TAS2R41: variants seen among roughly 807,000 people sequenced by gnomAD.
TAS2R41 encodes the protein taste receptor type 2 member 41.
A neutral mutation model predicts 25.1 loss-of-function variants in TAS2R41; 33 were observed. The ratio of observed to expected loss-of-function variants is 1.31; its 90% CI spans 1.00 to 1.76. TAS2R41 has a LOEUF of 1.76. TAS2R41 is among the 40% of genes most tolerant of loss of function. The pLI, the probability that TAS2R41 is intolerant of heterozygous loss-of-function variation, is 0.00. For missense variants in TAS2R41, 319 were observed against 359.4 expected (o/e 0.89, Z 0.91); for synonymous variants, 151 against 151.6 (o/e 1.00, Z 0.03).
chr7:143,478,187 CCTGTT>C lies in TAS2R41; in HGVS notation c.320_324del (p.Phe107CysfsTer5). 6.2e-7 allele frequency: 1 copy of C among 1,614,084 alleles called. No homozygotes were observed. Among genetic ancestry groups the C allele is most frequent in the Non-Finnish European group, 8.5e-7 (1 of 1,180,020 alleles). ...TCTGGTTTTGCAGCTGGCTCAGTGT[CCTGTT>C]CTGTGTGAAGATTGCTAACATCACA... On this transcript the variant is annotated frameshift_variant, in exon 1 of 1. Transcript: ENST00000408916. LOFTEE classifies it high-confidence loss of function.
In TAS2R41 at chr7:143,478,020, A is replaced by G. The variant is rs762750511; in HGVS notation, c.148A>G (p.Ser50Gly). 6.2e-7 allele frequency: 1 copy of G among 1,614,092 alleles called. No individual in the cohort carries two copies. ...RLLPLDMILI[S>G]LGASRFCLQL... is the part of the protein sequence containing the mutation. Reference sequence around the variant, plus strand: ...GCTGCCCTTGGATATGATCCTCATTAGCTTGGGTGCCTCCCGCTTCTGCCT... The same window carrying G: ...GCTGCCCTTGGATATGATCCTCATTGGCTTGGGTGCCTCCCGCTTCTGCCT... Residue 50 changes from serine to glycine, a missense_variant, in exon 1 of 1, where the codon AGC becomes GGC. Ser to Gly is a moderately conservative substitution (Grantham distance 56). Transcript: ENST00000408916.
Position 143,478,052 on chromosome 7 carries a change from G to C in TAS2R41, c.180G>C (p.Leu60Phe). The change falls in exon 1 of 1, where the codon TTG becomes TTC. Residue 60 changes from leucine to phenylalanine, a missense_variant. Physicochemically the swap from Leu to Phe is conservative, Grantham distance 22. Transcript: ENST00000408916. ...GTGCCTCCCGCTTCTGCCTGCAGTTGGTTGGGACGGTGCACAACTTCTACT... is the reference window on the plus strand; with the variant it reads ...GTGCCTCCCGCTTCTGCCTGCAGTTCGTTGGGACGGTGCACAACTTCTACT... ...SLGASRFCLQ[L>F]VGTVHNFYYS... 2 of 1,614,104 alleles carry C rather than the reference G, an allele frequency of 1.2e-6. No individual in the cohort carries two copies. Among genetic ancestry groups the C allele is most frequent in the Non-Finnish European group, 1.7e-6 (2 of 1,180,014 alleles).
Position 143,477,939 on chromosome 7 carries a change from G to A in TAS2R41, c.67G>A (p.Ala23Thr). 1.2e-6 allele frequency: 2 copies of A among 1,614,126 alleles called. No homozygotes were observed. Among genetic ancestry groups the A allele is most frequent in the Non-Finnish European group, 1.7e-6 (2 of 1,180,034 alleles). Residue 23 changes from alanine (A) to threonine (T), a missense_variant, in exon 1 of 1, where the codon GCG becomes ACG. Coordinates refer to ENST00000408916, the MANE Select transcript of TAS2R41 (RefSeq NM_176883.2). This position sits in a 1 kb window ranked among gnomAD's most constrained non-coding sequence, Gnocchi z 4.0. ...CCTGCTGAGTCTTCTGGGGATTGCA[G>A]CGAATGGCTTCATTGTGCTGGTGCT... is the stretch of plus-strand genomic sequence containing the variant. ...FSLLSLLGIAANGFIVLVLGR... is the reference protein window; with the variant it reads ...FSLLSLLGIATNGFIVLVLGR...
At position 143,478,465 on chromosome 7, in the gene TAS2R41, T is replaced by C. The variant is rs1354609331; in HGVS notation, c.593T>C (p.Val198Ala). Residue 198 changes from valine (V) to alanine (A), a missense_variant, in exon 1 of 1, where the codon GTC (valine) becomes GCC (alanine). Val to Ala is a moderately conservative substitution (Grantham distance 64). Transcript: ENST00000408916. ...TCAATTCCTTTTTCTGTTTTTCTGG[T>C]CTCAATTATGCTGTTAATTAATTCT... ...IWSIPFSVFL[V>A]SIMLLINSLR... 3 of 1,613,954 alleles carry C rather than the reference T, an allele frequency of 1.9e-6. No individual in the cohort carries two copies. Among genetic ancestry groups the C allele is most frequent in the Non-Finnish European group, 2.5e-6 (3 of 1,180,006 alleles).
At position 143,478,677 on chromosome 7, in the gene TAS2R41, C is replaced by T; in HGVS notation, c.805C>T (p.Gln269Ter). 6.2e-7 allele frequency: 1 copy of T among 1,614,126 alleles called. No homozygotes were observed. The highest frequency in any genetic ancestry group is 1.1e-5 in the South Asian group (1 of 91,076). Residue 269 changes from glutamine to a stop codon, truncating the protein, a stop_gained, in exon 1 of 1, where the codon CAA (glutamine) becomes TAA (stop). Transcript: ENST00000408916. LOFTEE classifies it high-confidence loss of function. ...GCAGAACGACTTTTACTGGCCATGG[C>T]AAATTGCAGTCTACCTGTGCATATC... ...SMQNDFYWPW[Q>*]IAVYLCISVH... is the part of the protein sequence containing the mutation.
rs748918541 is a variant in TAS2R41 at position 143,478,209 on chromosome 7, A to C, written c.337A>C (p.Asn113His). ...LSVLFCVKIA[N>H]ITHSTFLWLK... The stretch of plus-strand genomic sequence containing the variant: ...TGTCCTGTTCTGTGTGAAGATTGCT[A>C]ACATCACACACTCCACCTTCCTGTG... The change falls in exon 1 of 1, where the codon AAC (asparagine) becomes CAC (histidine). Residue 113 changes from asparagine (N) to histidine (H), a missense_variant. Asn to His is a moderately conservative substitution (Grantham distance 68). Coordinates refer to ENST00000408916, the MANE Select transcript of TAS2R41 (RefSeq NM_176883.2). The C allele has an allele frequency of 2.9e-5, 46 of 1,613,878 alleles. No individual in the cohort carries two copies. The highest frequency in any genetic ancestry group is 3.6e-5 in the Non-Finnish European group (43 of 1,180,000).
In TAS2R41 at chr7:143,478,705, T is replaced by G; in HGVS notation, c.833T>G (p.Val278Gly). Residue 278 changes from valine to glycine, a missense_variant, in exon 1 of 1, where the codon GTC becomes GGC. Transcript: ENST00000408916. ...ATTGCAGTCTACCTGTGCATATCTG[T>G]CCATCCCTTCATCCTCATCTTCAGC... is the stretch of plus-strand genomic sequence containing the variant. ...WQIAVYLCISVHPFILIFSNL... is the reference protein window; with the variant it reads ...WQIAVYLCISGHPFILIFSNL... 6.2e-7 allele frequency: 1 copy of G among 1,614,142 alleles called. No individual in the cohort carries two copies. Among genetic ancestry groups the G allele is most frequent in the Non-Finnish European group, 8.5e-7 (1 of 1,180,028 alleles).
Sources: allele counts gnomAD v4.1 joint callset, GRCh38; gene constraint gnomAD v4.1.1; non-coding constraint Gnocchi (gnomAD v3.1); transcripts MANE v1.5; gene names NCBI Gene and HGNC (gene_info 2026-07-23, HGNC 2026-07-21).